The following CEP44 variants were observed in gnomAD, a reference collection of about 807,000 sequenced individuals.
CEP44 encodes the protein centrosomal protein 44, also known as centrosomal protein of 44 kDa.
CEP44 carries 45 observed loss-of-function variants against 46.7 expected under a neutral mutation model. The observed-to-expected ratio is 0.96, with a 90% CI of 0.76 to 1.24. The LOEUF (loss-of-function observed/expected upper bound fraction) is 1.24, where lower values mean the gene tolerates loss of function less well. Among genes scored for constraint, CEP44 ranks in the 50% most tolerant of loss-of-function variants. CEP44 has a pLI of 0.00. For missense variants in CEP44, 475 were observed against 459.7 expected, an observed-to-expected ratio of 1.03 and a Z score of -0.30; for synonymous variants, 142 against 146.0, an observed-to-expected ratio of 0.97 and a Z score of 0.20.
Position 174,308,090 on chromosome 4 carries a change from C to T in CEP44, c.508-599C>T, listed in dbSNP as rs974389830. On this transcript the variant is annotated intron_variant, in intron 6 of 11. Transcript: ENST00000503780. ...TAAAGACCATTTGACCCAGCAGTCCCGTTACTTGGTATATACTTAAGGGAA... is the reference window on the plus strand; with the variant it reads ...TAAAGACCATTTGACCCAGCAGTCCTGTTACTTGGTATATACTTAAGGGAA... Among the ~76,000 whole-genome samples, 2 of 152,052 alleles carry T rather than the reference C, an allele frequency of 1.3e-5. 1 individual carries two copies. The highest frequency in any genetic ancestry group is 4.1e-4 in the South Asian group (2 of 4,828).
intron 1 of CEP44, among the ~76,000 whole-genome samples, chr4:174,296,784 T>A (rs1739076909): frequency 6.7e-6 from 1 of 149,848 alleles, no homozygotes; most frequent in Non-Finnish European, 1.5e-5. Context: ...TTTTTTTTTT[T>A]GCCTGCTGGA....
chr4:174,295,769 C>T (rs550676587), intron 1 of CEP44, among the ~76,000 whole-genome samples: 136 of 152,378 alleles, frequency 8.9e-4, no homozygotes, highest in African/African-American at 2.4e-3. Flanking sequence ...CATATATCCT[C>T]TTTAGTGAGA....
rs746264765 is a variant in CEP44, at chr4:174,308,871, G to C, written c.678+12G>C. 2 of 1,608,832 alleles carry C rather than the reference G, an allele frequency of 1.2e-6. No homozygotes were observed. The highest frequency in any genetic ancestry group is 3.4e-5 in the Admixed American group (2 of 58,792). On this transcript the variant is annotated intron_variant, in intron 7 of 11. Transcript: ENST00000503780. ...AGGCTGAGCAACAGGTAACAACTTTGGACTTTTTAAATAGATGCCAGTATT... is the reference window on the plus strand; with the variant it reads ...AGGCTGAGCAACAGGTAACAACTTTCGACTTTTTAAATAGATGCCAGTATT...
rs1220993899 is a variant in CEP44, at chr4:174,294,519, C to T, written c.-147-3447C>T. Among the ~76,000 whole-genome samples, 633 of 151,686 alleles carry T rather than the reference C, an allele frequency of 4.2e-3. 3 individuals carry two copies. The highest frequency in any genetic ancestry group is 7.4e-3 in the Non-Finnish European group (499 of 67,814). ...TTCCCCCCTTTCTATTCCACAAAAC[C>T]GCCATTGTCATCATGGCCCGTTCTC... On this transcript the variant is annotated intron_variant, in intron 1 of 11. Coordinates refer to ENST00000503780, the MANE Select transcript of CEP44 (RefSeq NM_001040157.3).
chr4:174,304,382 A>G lies in CEP44; in HGVS notation c.507+13A>G. On this transcript the variant is annotated intron_variant, in intron 6 of 11. Coordinates refer to ENST00000503780, the MANE Select transcript of CEP44 (RefSeq NM_001040157.3). ...GACCTCAGGAAAGGTATGCAACCACAAAGAAAATATCATATTGTTTAAGAG... is the reference window on the plus strand; with the variant it reads ...GACCTCAGGAAAGGTATGCAACCACGAAGAAAATATCATATTGTTTAAGAG... 1.9e-6 allele frequency: 3 copies of G among 1,602,964 alleles called. No homozygotes were observed. The highest frequency in any genetic ancestry group is 2.5e-6 in the Non-Finnish European group (3 of 1,177,194).
intron 8 of CEP44, among the ~76,000 whole-genome samples, chr4:174,328,151 T>C (rs1731092697): frequency 6.6e-6 from 1 of 152,174 alleles, no homozygotes; most frequent in African/African-American, 2.4e-5. Context: ...ATTGGCTCAT[T>C]AATCTGATGA....
At chr4:174,295,026 G>A (rs953751307) in intron 1 of CEP44, among the ~76,000 whole-genome samples, 3 of 141,340 alleles carry the variant, frequency 2.1e-5, no homozygotes, top group Non-Finnish European at 3.0e-5. Context: ...GGCCAGGCGG[G>A]GGGCTGACCC....
Position 174,319,764 on chromosome 4 carries a change from C to T in CEP44, c.*2381C>T. 5.5e-6 allele frequency: 5 copies of T among 913,376 alleles called. No homozygotes were observed. Among genetic ancestry groups the T allele is most frequent in the Non-Finnish European group, 6.5e-6 (5 of 765,882 alleles). 56.6% of individuals were successfully genotyped at this position (913,376 alleles called of 1,614,324 possible). A position where few individuals can be genotyped will look rare whatever the true frequency, so the allele number is the denominator to read the frequency against. On this transcript the variant is annotated 3_prime_UTR_variant, in exon 12 of 12. Transcript: ENST00000503780. The stretch of plus-strand genomic sequence containing the variant: ...CAACTCAATATATCATACATTTACA[C>T]TTACAAAGAGTCTTTATCTAGACAA...
At chr4:174,332,406 TA>T (rs1731364533) in exon 9 of CEP44, 1 of 152,220 alleles carries the variant, frequency 6.6e-6, no homozygotes, top group Non-Finnish European at 1.5e-5. Flanking sequence ...ATTCTATACT[TA>T]TTCTATTAAC....
At chr4:174,303,300 A>G (rs1739970743) in intron 4 of CEP44, among the ~76,000 whole-genome samples, 1 of 152,142 alleles carries the variant, frequency 6.6e-6, no homozygotes, top group Non-Finnish European at 1.5e-5. Context: ...ATTGAGACCA[A>G]AAGGCCTACT....
In CEP44 at chr4:174,286,826, C is replaced by T. The variant is rs1254952369; in HGVS notation, c.-148+2883C>T. The stretch of plus-strand genomic sequence containing the variant: ...CAGTTCGTTCAAATCTTTTGGTTCA[C>T]GTATGTGTTTTTCTGTTGTGTACAT... On this transcript the variant is annotated intron_variant, in intron 1 of 11. Coordinates refer to ENST00000503780, the MANE Select transcript of CEP44 (RefSeq NM_001040157.3). This position sits in a 1 kb window ranked among gnomAD's most constrained non-coding sequence, Gnocchi z 5.2. Among the ~76,000 whole-genome samples the T allele has an allele frequency of 6.6e-6, 1 of 152,138 alleles. No individual in the cohort carries two copies. The highest frequency in any genetic ancestry group is 2.4e-5 in the African/African-American group (1 of 41,448).
At chr4:174,294,277 T>C (rs1738585028) in intron 1 of CEP44, among the ~76,000 whole-genome samples, 1 of 151,560 alleles carries the variant, frequency 6.6e-6, no homozygotes, top group Admixed American at 6.6e-5. Flanking sequence ...AGCATCTGTT[T>C]AACAAAGCAC....
intron 8 of CEP44, among the ~76,000 whole-genome samples, chr4:174,327,752 T>A (rs1324093858): frequency 6.6e-5 from 10 of 152,096 alleles, no homozygotes; most frequent in African/African-American, 1.9e-4. Flanking sequence ...GGACGGGGTG[T>A]GTGTGTGGTG....
rs868391890 is a variant in CEP44 at position 174,317,572 on chromosome 4, C to T, written c.*189C>T. The T allele has an allele frequency of 1.5e-4, 171 of 1,146,280 alleles. No homozygotes were observed. In the African/African-American group the frequency reaches 2.5e-3, roughly 17 times the overall value. 71.0% of individuals were successfully genotyped at this position (1,146,280 alleles called of 1,614,324 possible). A position where few individuals can be genotyped will look rare whatever the true frequency, so the allele number is the denominator to read the frequency against. On this transcript the variant is annotated 3_prime_UTR_variant, in exon 12 of 12. Transcript: ENST00000503780. ...ATATTTTTGAGCAATGATTATACTG[C>T]TTTACCTTGTGTCACTTTTTTTTTT...
At chr4:174,289,908 G>A (rs1263187050) in intron 1 of CEP44, among the ~76,000 whole-genome samples, 1 of 150,244 alleles carries the variant, frequency 6.7e-6, no homozygotes, top group Non-Finnish European at 1.5e-5. Context: ...TGATGATCTT[G>A]GCTTACTGCA....
intron 1 of CEP44, chr4:174,285,448 C>T (rs1737479051): frequency 6.6e-6 from 1 of 152,214 alleles, no homozygotes; most frequent in Non-Finnish European, 1.5e-5. Flanking sequence ...GCTTGTATTA[C>T]TCTTCAAAAT....
In CEP44 at chr4:174,310,845, C is replaced by T. The variant is rs778745973; in HGVS notation, c.948C>T (p.Asp316=). Reference sequence around the variant, plus strand: ...ACTACGCTTCTTGTAGTGACATGGACCTTCTGAATCCTCGTAAGTTTGTAA... The same window carrying T: ...ACTACGCTTCTTGTAGTGACATGGATCTTCTGAATCCTCGTAAGTTTGTAA... ...SEDYASCSDM[D]LLNPHRKSEV... The change falls in exon 9 of 12, where the codon GAC becomes GAT. Residue 316 remains aspartate (D), a synonymous_variant. Transcript: ENST00000503780. The surrounding 1 kb of genome is among the most constrained non-coding windows in gnomAD (Gnocchi z 4.2). 4.1e-6 allele frequency: 6 copies of T among 1,467,718 alleles called. No individual in the cohort carries two copies. In the Admixed American group the frequency reaches 1.1e-4, roughly 27 times the overall value. 90.9% of individuals were successfully genotyped at this position (1,467,718 alleles called of 1,614,324 possible). A position where few individuals can be genotyped will look rare whatever the true frequency, so the allele number is the denominator to read the frequency against.
chr4:174,287,556 C>A lies in CEP44; in HGVS notation c.-148+3613C>A, dbSNP rs1339973044. Among the ~76,000 whole-genome samples the A allele has an allele frequency of 1.3e-5, 2 of 152,088 alleles. No homozygotes were observed. The highest frequency in any genetic ancestry group is 2.9e-5 in the Non-Finnish European group (2 of 68,008). On this transcript the variant is annotated intron_variant, in intron 1 of 11. Transcript: ENST00000503780. The surrounding 1 kb of genome is among the most constrained non-coding windows in gnomAD (Gnocchi z 5.1). ...AGGTCCAGGAACTTTATCCCAGATA[C>A]CATTTCTGTTATTTGTTGCTTTCTA...
At chr4:174,283,762 A>G (rs945637050), upstream of CEP44, 36 of 397,766 alleles carry the variant, frequency 9.1e-5, no homozygotes, top group Non-Finnish European at 1.3e-5. This position sits in a 1 kb window ranked among gnomAD's most constrained non-coding sequence, Gnocchi z 6.7. Context: ...CTCACTTCGT[A>G]GCACGAGCCA....
Sources: allele counts gnomAD v4.1 joint callset (sites outside exome capture counted in the v4.1 genomes callset), GRCh38; gene constraint gnomAD v4.1.1; non-coding constraint Gnocchi (gnomAD v3.1); transcripts MANE v1.5; gene names NCBI Gene and HGNC (gene_info 2026-07-23, HGNC 2026-07-21).